The following ZNF718 variants were observed in gnomAD, a reference collection of about 807,000 sequenced individuals.
ZNF718 encodes the protein zinc finger protein 718.
A neutral mutation model predicts 2.6 loss-of-function variants in ZNF718; 3 were observed. That is an observed-to-expected ratio of 1.16 (90% CI 0.53 to 3.01). The LOEUF is 3.01. ZNF718 is among the 30% of genes most tolerant of loss of function. The pLI is 0.03. For missense variants in ZNF718, 468 were observed against 230.0 expected (o/e 2.03, Z -6.69); for synonymous variants, 135 against 77.9 (o/e 1.73, Z -3.86).
intron 3 of ZNF718, among the ~76,000 whole-genome samples, chr4:151,640 C>T (rs1046907277): frequency 5.9e-5 from 9 of 152,082 alleles, no homozygotes; most frequent in Middle Eastern, 3.4e-3. Flanking sequence ...ACCATCATGC[C>T]GTACTCATTT....
chr4:191,990 G>A (rs772542453), intron 3 of ZNF718, among the ~76,000 whole-genome samples: 1 of 152,200 alleles, frequency 6.6e-6, no homozygotes, highest in African/African-American at 2.4e-5. Flanking sequence ...CTAGTGTTCA[G>A]CTCAATTAGG....
downstream of ZNF718, among the ~76,000 whole-genome samples, chr4:166,426 T>G (rs542228121): frequency 6.6e-6 from 1 of 152,152 alleles, no homozygotes; most frequent in Non-Finnish European, 1.5e-5. Flanking sequence ...AATCGCCACA[T>G]TGACTTCCAC....
In ZNF718 at chr4:159,737, G is replaced by A. The variant is rs1020949638; in HGVS notation, c.227-1175G>A. 2.6e-5 allele frequency among the ~76,000 whole-genome samples: 4 copies of A among 151,920 alleles called. No individual in the cohort carries two copies. The East Asian group carries it at 7.7e-4, about 29-fold the overall frequency. ...TATTTCACTCATTGAGCATTATTCA[G>A]GTTAAACTTTTAAATTTTGAATATC... On this transcript the variant is annotated intron_variant, in intron 3 of 3. Transcript: ENST00000510175.
intron 3 of ZNF718, among the ~76,000 whole-genome samples, chr4:154,578 C>G (rs1716479716): frequency 6.6e-6 from 1 of 152,180 alleles, no homozygotes; most frequent in African/African-American, 2.4e-5. Context: ...CATTCTGCTC[C>G]TGCACTAGAG....
chr4:192,491 C>G (rs1310063260), intron 3 of ZNF718, among the ~76,000 whole-genome samples: 1 of 152,170 alleles, frequency 6.6e-6, no homozygotes, highest in Non-Finnish European at 1.5e-5. Context: ...CCTTCCCCAG[C>G]TAGGCTTAGG....
At position 181,174 on chromosome 4, in the gene ZNF718, T is replaced by TC. The variant is rs1261996848; in HGVS notation, c.227-19907_227-19906insC. On this transcript the variant is annotated intron_variant and NMD_transcript_variant, in intron 3 of 4. Transcript: ENST00000642529. ...AGTGCCCAGCTTTTTTTTTTTTTTTTTTTTTTTTTTTCGTAGACATGAAGT... is the reference window on the plus strand; with the variant it reads ...AGTGCCCAGCTTTTTTTTTTTTTTTTCTTTTTTTTTTTCGTAGACATGAAGT... 3.3e-4 allele frequency among the ~76,000 whole-genome samples: 47 copies of TC among 142,982 alleles called. No homozygotes were observed. The East Asian group carries it at 9.5e-3, about 29-fold the overall frequency. The allele number at this position is 142,982 out of a possible 152,430, so 93.8% of individuals were successfully genotyped here.
At chr4:150,733 A>G (rs947712903) in intron 3 of ZNF718, among the ~76,000 whole-genome samples, 3 of 150,880 alleles carry the variant, frequency 2.0e-5, no homozygotes, top group Non-Finnish European at 4.4e-5. Flanking sequence ...TCTCTTTGAC[A>G]TACTGATTTT....
chr4:193,490 G>A (rs908858618), intron 3 of ZNF718, among the ~76,000 whole-genome samples: 2 of 152,102 alleles, frequency 1.3e-5, no homozygotes, highest in South Asian at 4.1e-4. Flanking sequence ...AATGGCCCCG[G>A]CTTTTGCTAG....
intron 3 of ZNF718, among the ~76,000 whole-genome samples, chr4:179,607 T>C (rs1160320617): frequency 3.3e-5 from 5 of 152,228 alleles, no homozygotes; most frequent in Non-Finnish European, 7.3e-5. Context: ...AGTGTTTCTA[T>C]GGCCTGTCTC....
At chr4:154,185 C>T (rs375448859) in intron 3 of ZNF718, among the ~76,000 whole-genome samples, 152 of 152,274 alleles carry the variant, frequency 1.0e-3, no homozygotes, top group African/African-American at 3.5e-3. Flanking sequence ...TGAGGCCTCC[C>T]CAGCCACATG....
At chr4:169,621 CTT>C (rs782397462) in intron 3 of ZNF718, among the ~76,000 whole-genome samples, 8 of 152,118 alleles carry the variant, frequency 5.3e-5, no homozygotes, top group Non-Finnish European at 1.2e-4. Context: ...TTCTTTGTCT[CTT>C]TTGATCTTTG....
At chr4:179,464 A>G (rs1468864694) in intron 3 of ZNF718, among the ~76,000 whole-genome samples, 1 of 152,222 alleles carries the variant, frequency 6.6e-6, no homozygotes, top group Non-Finnish European at 1.5e-5. Flanking sequence ...GAATTTGTGC[A>G]TCACTGAGTA....
rs555001531 is a variant in ZNF718, at chr4:149,588, T to C, written c.227-11324T>C. On this transcript the variant is annotated intron_variant, in intron 3 of 3. Transcript: ENST00000510175. ...GGTGTTTAATTCAAATAAAAATAAT[T>C]GGGTTTCACTTGAGGCAATTTAAAA... 3.3e-5 allele frequency: 5 copies of C among 152,290 alleles called. No individual in the cohort carries two copies. The South Asian group carries it at 1.0e-3, about 32-fold the overall frequency. 9.4% of individuals were successfully genotyped at this position (152,290 alleles called of 1,614,324 possible). A position where few individuals can be genotyped will look rare whatever the true frequency, so the allele number is the denominator to read the frequency against.
intron 3 of ZNF718, among the ~76,000 whole-genome samples, chr4:133,749 A>G (rs1013975992): frequency 1.1e-4 from 17 of 152,246 alleles, no homozygotes; most frequent in African/African-American, 3.9e-4. Flanking sequence ...TATTTTGAAC[A>G]TAAAGTGAGG....
At position 135,670 on chromosome 4, in the gene ZNF718, G is replaced by C. The variant is rs376911122; in HGVS notation, c.226+4165G>C. ...TCCAAGATTTATTTTCCTTTCACAA[G>C]ATTATGTATCCTGATGCTTTAATGA... is the stretch of plus-strand genomic sequence containing the variant. On this transcript the variant is annotated intron_variant, in intron 3 of 3. Transcript: ENST00000510175. 9.2e-5 allele frequency among the ~76,000 whole-genome samples: 11 copies of C among 119,120 alleles called. No homozygotes were observed. In the East Asian group the frequency reaches 1.4e-3, roughly 15 times the overall value. The allele number at this position is 119,120 out of a possible 152,430, so 78.1% of individuals were successfully genotyped here.
In ZNF718 at chr4:156,527, T is replaced by A. The variant is rs1043448354; in HGVS notation, c.227-4385T>A. 3.9e-5 allele frequency among the ~76,000 whole-genome samples: 6 copies of A among 152,166 alleles called. No homozygotes were observed. The East Asian group carries it at 1.2e-3, about 29-fold the overall frequency. ...CAGACTTTACAATCTTAAATATTTT[T>A]AATACTCAGTCATATTATATTGACA... On this transcript the variant is annotated intron_variant, in intron 3 of 3. Coordinates refer to ENST00000510175, the MANE Select transcript of ZNF718 (RefSeq NM_001039127.6).
At chr4:200,267 ATTTG>A (rs1446588208) in intron 3 of ZNF718, among the ~76,000 whole-genome samples, 4 of 151,590 alleles carry the variant, frequency 2.6e-5, no homozygotes, top group Admixed American at 1.3e-4. Context: ...TTGTTTGTTT[ATTTG>A]TTTGTTTTTG....
intron 3 of ZNF718, among the ~76,000 whole-genome samples, chr4:175,900 A>G (rs1487189063): frequency 8.2e-6 from 1 of 121,462 alleles, no homozygotes; most frequent in Non-Finnish European, 1.6e-5. Context: ...TCTGTGGCCC[A>G]GGCTGGAGTG....
chr4:199,732 C>G (rs1717862219), intron 3 of ZNF718, among the ~76,000 whole-genome samples: 1 of 152,172 alleles, frequency 6.6e-6, no homozygotes, highest in African/African-American at 2.4e-5. Context: ...GGCTCAGTGA[C>G]TTGCTGGGTT....
Sources: allele counts gnomAD v4.1 joint callset (sites outside exome capture counted in the v4.1 genomes callset), GRCh38; gene constraint gnomAD v4.1.1; transcripts MANE v1.5; gene names NCBI Gene and HGNC (gene_info 2026-07-23, HGNC 2026-07-21).